The following VTI1A variants were observed in gnomAD, a reference collection of about 807,000 sequenced individuals.
VTI1A encodes vesicle transport through interaction with t-SNAREs homolog 1A.
VTI1A carries 22 observed loss-of-function variants against 34.9 expected under a neutral mutation model. That is an observed-to-expected ratio of 0.63 (90% confidence interval 0.45 to 0.90). The LOEUF (loss-of-function observed/expected upper bound fraction) is 0.90. VTI1A is among the 40% of genes least tolerant of loss of function. The pLI is 0.00. For missense variants in VTI1A, 268 were observed against 275.6 expected, an observed-to-expected ratio of 0.97 and a Z score of 0.20; for synonymous variants, 87 against 97.3, an observed-to-expected ratio of 0.89 and a Z score of 0.62.
In VTI1A at chr10:112,518,323, A is replaced by G. The variant is rs537099285; in HGVS notation, c.265-8764A>G. 5.9e-5 allele frequency among the ~76,000 whole-genome samples: 9 copies of G among 152,132 alleles called. No homozygotes were observed. In the South Asian group the frequency reaches 1.2e-3, roughly 21 times the overall value. Reference sequence around the variant, plus strand: ...TAACTCCCACAAGCTTAGCGTTCCAATAATGGAACACTGGACATAAATGGG... The same window carrying G: ...TAACTCCCACAAGCTTAGCGTTCCAGTAATGGAACACTGGACATAAATGGG... On this transcript the variant is annotated intron_variant, in intron 3 of 7. Transcript: ENST00000393077.
chr10:112,656,622 G>A (rs1847241105), intron 5 of VTI1A, among the ~76,000 whole-genome samples: 1 of 149,276 alleles, frequency 6.7e-6, no homozygotes, highest in African/African-American at 2.5e-5. Context: ...ATCTGCCTCG[G>A]CCTCCCAAAG....
intron 3 of VTI1A, among the ~76,000 whole-genome samples, chr10:112,494,345 CTTTTA>C (rs769963257): frequency 2.6e-4 from 39 of 152,002 alleles, no homozygotes; most frequent in East Asian, 5.8e-4. Context: ...CTTTTGGTTT[CTTTTA>C]TTTTATTATT....
intron 5 of VTI1A, among the ~76,000 whole-genome samples, chr10:112,564,560 C>A (rs945897191): frequency 6.6e-6 from 1 of 152,012 alleles, no homozygotes; most frequent in Non-Finnish European, 1.5e-5. Context: ...TGCACTTCTT[C>A]CTTGTTTAAA....
intron 7 of VTI1A, among the ~76,000 whole-genome samples, chr10:112,701,444 AC>A (rs1285019469): frequency 5.9e-5 from 9 of 152,196 alleles, no homozygotes; most frequent in Admixed American, 2.6e-4. Context: ...ATATCTGGCA[AC>A]ATCCAAACAC....
At position 112,538,228 on chromosome 10, in the gene VTI1A, C is replaced by A. The variant is rs766756895; in HGVS notation, c.343-18C>A. 1 of 1,596,034 alleles carries A rather than the reference C, an allele frequency of 6.3e-7. No homozygotes were observed. Among genetic ancestry groups the A allele is most frequent in the Admixed American group, 1.8e-5 (1 of 56,162 alleles). On this transcript the variant is annotated intron_variant, in intron 4 of 7. Transcript: ENST00000393077. Reference sequence around the variant, plus strand: ...TAGACGGCCGTCTGATTTTTTTTTCCCCCTTTTTCTTTTTCAGAGGGCACA... The same window carrying A: ...TAGACGGCCGTCTGATTTTTTTTTCACCCTTTTTCTTTTTCAGAGGGCACA...
At chr10:112,506,430 G>A (rs1293908287) in intron 3 of VTI1A, among the ~76,000 whole-genome samples, 2 of 152,180 alleles carry the variant, frequency 1.3e-5, no homozygotes, top group Non-Finnish European at 2.9e-5. Flanking sequence ...CCCCACAGAT[G>A]AGACGGGCTA....
chr10:112,586,854 A>G (rs1421374680), intron 5 of VTI1A, among the ~76,000 whole-genome samples: 2 of 152,178 alleles, frequency 1.3e-5, no homozygotes, highest in African/African-American at 4.8e-5. Flanking sequence ...TAGGGTAACC[A>G]CTGGTGATTT....
chr10:112,496,197 C>CA (rs1010883261), intron 3 of VTI1A, among the ~76,000 whole-genome samples: 2 of 122,644 alleles, frequency 1.6e-5, no homozygotes, highest in Non-Finnish European at 3.4e-5. Flanking sequence ...CCCCCCCCCC[C>CA]CCCCGCCGTC....
chr10:112,693,665 G>T (rs775319846), intron 7 of VTI1A, among the ~76,000 whole-genome samples: 31 of 152,150 alleles, frequency 2.0e-4, no homozygotes, highest in Non-Finnish European at 7.3e-5. Flanking sequence ...AGTTGAAAAT[G>T]GTGCTTGAAC....
chr10:112,553,163 C>T (rs189623024), intron 5 of VTI1A, among the ~76,000 whole-genome samples: 2 of 152,338 alleles, frequency 1.3e-5, no homozygotes, highest in Non-Finnish European at 2.9e-5. Context: ...ATAAAATGCA[C>T]AGAAATTATT....
chr10:112,542,815 T>C (rs1310492801), intron 5 of VTI1A, among the ~76,000 whole-genome samples: 1 of 152,158 alleles, frequency 6.6e-6, no homozygotes, highest in Non-Finnish European at 1.5e-5. Context: ...CTCCTAATGC[T>C]ATCCCTCCCC....
chr10:112,556,785 A>G (rs909221615), intron 5 of VTI1A, among the ~76,000 whole-genome samples: 2 of 152,040 alleles, frequency 1.3e-5, no homozygotes, highest in Non-Finnish European at 2.9e-5. Flanking sequence ...CATAAATGAT[A>G]TATAGAGACC....
At chr10:112,847,790 A>G in the VTI1A span, among the ~76,000 whole-genome samples, 1 of 152,062 alleles carries the variant, frequency 6.6e-6, no homozygotes, top group Non-Finnish European at 1.5e-5. Context: ...TCTCTTACAA[A>G]CCCTATGCTT....
At chr10:112,467,541 C>T (rs1478691193) in intron 3 of VTI1A, among the ~76,000 whole-genome samples, 1 of 152,134 alleles carries the variant, frequency 6.6e-6, no homozygotes, top group African/African-American at 2.4e-5. Flanking sequence ...AAAAAGCCAT[C>T]CTGGGCTGCC....
At chr10:112,647,576 C>G (rs75462855) in intron 5 of VTI1A, among the ~76,000 whole-genome samples, 1 of 152,232 alleles carries the variant, frequency 6.6e-6, no homozygotes, top group Non-Finnish European at 1.5e-5. Flanking sequence ...ATAAGGACAT[C>G]AATAAAGTCA....
At chr10:112,763,511 C>G (rs796206078) in intron 7 of VTI1A, among the ~76,000 whole-genome samples, 1 of 151,814 alleles carries the variant, frequency 6.6e-6, no homozygotes, top group Admixed American at 6.6e-5. Flanking sequence ...ACATGCCTCA[C>G]CTGCACTAAG....
At chr10:112,693,196 C>T (rs71483155) in intron 7 of VTI1A, among the ~76,000 whole-genome samples, 16,976 of 152,100 alleles carry the variant, frequency 0.11, 1,178 homozygotes, top group Middle Eastern at 0.17. Flanking sequence ...TATTTAGTTC[C>T]CCTAATGTTA....
At chr10:112,681,079 T>G (rs1180798872) in intron 7 of VTI1A, among the ~76,000 whole-genome samples, 1 of 70,866 alleles carries the variant, frequency 1.4e-5, no homozygotes, top group Non-Finnish European at 2.4e-5. Context: ...TTTTCTTTTC[T>G]TTTTTTTTTT....
At chr10:112,493,801 C>T (rs185875231) in intron 3 of VTI1A, among the ~76,000 whole-genome samples, 3 of 152,176 alleles carry the variant, frequency 2.0e-5, no homozygotes, top group Non-Finnish European at 2.9e-5. Context: ...GCCTCGTATT[C>T]GTAGGATAAA....
Sources: allele counts gnomAD v4.1 joint callset (sites outside exome capture counted in the v4.1 genomes callset), GRCh38; gene constraint gnomAD v4.1.1; transcripts MANE v1.5; gene names NCBI Gene and HGNC (gene_info 2026-07-23, HGNC 2026-07-21).